Variants in TNXB observed in about 807,000 individuals in gnomAD.
TNXB encodes the protein tenascin XB.
TNXB carries 183 observed loss-of-function variants against 340.5 expected under a neutral mutation model. The ratio of observed to expected loss-of-function variants is 0.54; its 90% CI spans 0.48 to 0.61. TNXB has a LOEUF of 0.61. Among genes scored for constraint, TNXB ranks in the 20% least tolerant of loss-of-function variants. The pLI is 0.00. For synonymous variants in TNXB, 2,121 were observed against 2,314.5 expected, an observed-to-expected ratio of 0.92 and a Z score of 2.40; for missense variants, 4,613 against 5,446.4, an observed-to-expected ratio of 0.85 and a Z score of 4.82.
Position 32,061,482 on chromosome 6 carries a change from C to T in TNXB, c.7407G>A (p.Leu2469=), listed in dbSNP as rs1189389639. 1.9e-6 allele frequency: 3 copies of T among 1,613,592 alleles called. No individual in the cohort carries two copies. Among genetic ancestry groups the T allele is most frequent in the East Asian group, 2.2e-5 (1 of 44,878 alleles). The change falls in exon 21 of 44, where the codon CTG becomes CTA. Residue 2469 remains leucine (L), a synonymous_variant. Transcript: ENST00000644971. This position sits in a 1 kb window ranked among gnomAD's most constrained non-coding sequence, Gnocchi z 4.4. ...GEESEVTVGG[L]EPGRKYKMHL... ...GCATCTTGTATTTGCGCCCAGGCTC[C>T]AGGCCCCCCACGGTGACCTCGCTCT...
At position 32,081,307 on chromosome 6, in the gene TNXB, G is replaced by A; in HGVS notation, c.4042+61C>T. On this transcript the variant is annotated intron_variant, in intron 10 of 43. Transcript: ENST00000644971. This position sits in a 1 kb window ranked among gnomAD's most constrained non-coding sequence, Gnocchi z 5.1. ...TGGAGGGAGGCTGGAAGGAGCCCCA[G>A]CCAAGTCCCGCTCACAGGATGGGGC... 6.8e-7 allele frequency: 1 copy of A among 1,469,300 alleles called. No individual in the cohort carries two copies. Among genetic ancestry groups the A allele is most frequent in the Non-Finnish European group, 9.1e-7 (1 of 1,094,308 alleles). The allele number at this position is 1,469,300 out of a possible 1,614,324, so 91.0% of individuals were successfully genotyped here.
In TNXB at chr6:32,087,259, GT is replaced by G. The variant is rs1388548464; in HGVS notation, c.2780-1142del. 1 of 505,924 alleles carries G rather than the reference GT, an allele frequency of 2.0e-6. No homozygotes were observed. Among genetic ancestry groups the G allele is most frequent in the Admixed American group, 2.0e-5 (1 of 49,690 alleles). 31.3% of individuals were successfully genotyped at this position (505,924 alleles called of 1,614,324 possible). ...GCCCCAGCCCACACTACCTGTGGTG[GT>G]GATGAAGGCGTAGGACTTGGAGGTC... is the stretch of plus-strand genomic sequence containing the variant. On this transcript the variant is annotated intron_variant, in intron 6 of 43. Coordinates refer to ENST00000644971, the MANE Select transcript of TNXB (RefSeq NM_001365276.2). This position sits in a 1 kb window ranked among gnomAD's most constrained non-coding sequence, Gnocchi z 9.0.
chr6:32,047,224 G>T lies in TNXB; in HGVS notation c.10324+510C>A, dbSNP rs1205327894. On this transcript the variant is annotated intron_variant, in intron 30 of 43. Transcript: ENST00000644971. The surrounding 1 kb of genome is among the most constrained non-coding windows in gnomAD (Gnocchi z 6.2). Reference sequence around the variant, plus strand: ...TGGGCATAGTGACTCATGGTCCTGGGAGTGGGGTGAGGGTCGGTGACCCAC... The same window carrying T: ...TGGGCATAGTGACTCATGGTCCTGGTAGTGGGGTGAGGGTCGGTGACCCAC... Among the ~76,000 whole-genome samples the T allele has an allele frequency of 3.3e-5, 5 of 152,248 alleles. No individual in the cohort carries two copies. The highest frequency in any genetic ancestry group is 1.3e-4 in the Admixed American group (2 of 15,290).
intron 6 of TNXB, 59 bp from the exon 7 acceptor site, chr6:32,086,177 C>T: frequency 2.1e-6 from 3 of 1,430,558 alleles, no homozygotes; most frequent in South Asian, 1.6e-5. Flanking sequence ...AGAAAGGAAT[C>T]CCCAGTCCCC....
At position 32,108,711 on chromosome 6, in the gene TNXB, C is replaced by T. The variant is rs1156427573; in HGVS notation, c.-9+470G>A. 6.6e-6 allele frequency among the ~76,000 whole-genome samples: 1 copy of T among 152,104 alleles called. No individual in the cohort carries two copies. Among genetic ancestry groups the T allele is most frequent in the Non-Finnish European group, 1.5e-5 (1 of 68,010 alleles). On this transcript the variant is annotated intron_variant, in intron 1 of 43. Coordinates refer to ENST00000644971, the MANE Select transcript of TNXB (RefSeq NM_001365276.2). The surrounding 1 kb of genome is among the most constrained non-coding windows in gnomAD (Gnocchi z 4.8). ...TCTGGCACCTCCTGGAGCCTGGAGC[C>T]CCCAGAGCCTGGGCTCAGCTGCTCT...
chr6:32,103,950 T>C lies in TNXB; in HGVS notation c.-9+5231A>G, dbSNP rs548810817. On this transcript the variant is annotated intron_variant, in intron 1 of 43. Transcript: ENST00000644971. The stretch of plus-strand genomic sequence containing the variant: ...TTCACCATCTTGACCAGGCTGGTCT[T>C]GAGCTCCTCAGCTCAGGTGATCTGC... 3.3e-5 allele frequency among the ~76,000 whole-genome samples: 5 copies of C among 152,198 alleles called. No individual in the cohort carries two copies. In the East Asian group the frequency reaches 7.7e-4, roughly 24 times the overall value.
rs1376831126 is a variant in TNXB at position 32,089,462 on chromosome 6, T to C, written c.2359-83A>G. 6.7e-7 allele frequency: 1 copy of C among 1,496,898 alleles called. No individual in the cohort carries two copies. The highest frequency in any genetic ancestry group is 9.0e-7 in the Non-Finnish European group (1 of 1,117,014). 92.7% of individuals were successfully genotyped at this position (1,496,898 alleles called of 1,614,324 possible). On this transcript the variant is annotated intron_variant, in intron 4 of 43. Transcript: ENST00000644971. This position sits in a 1 kb window ranked among gnomAD's most constrained non-coding sequence, Gnocchi z 6.2. ...TCCCCCTTATCTCTTCTTTCTCCAA[T>C]TCTAAACAGTGTCAGCATGGTACTG...
rs201365475 is a variant in TNXB at position 32,068,654 on chromosome 6, T to C, written c.5956A>G (p.Ile1986Val). The part of the protein sequence containing the change: ...EPPTATPEPP[I>V]KPRLGELTVT... ...GTCAGCTCCCCCAGGCGAGGCTTGA[T>C]GGGGGGCTCGGGGGTTGCGGTGGGA... The change falls in exon 17 of 44, where the codon ATC becomes GTC. Residue 1986 changes from isoleucine (I) to valine (V), a missense_variant. Physicochemically the swap from Ile to Val is conservative, Grantham distance 29. Transcript: ENST00000644971. The surrounding 1 kb of genome is among the most constrained non-coding windows in gnomAD (Gnocchi z 5.3). 1 of 1,613,448 alleles carries C rather than the reference T, an allele frequency of 6.2e-7. No homozygotes were observed. Among genetic ancestry groups the C allele is most frequent in the Non-Finnish European group, 8.5e-7 (1 of 1,179,740 alleles).
At position 32,096,782 on chromosome 6, in the gene TNXB, G is replaced by C. The variant is rs1265647269; in HGVS notation, c.1071C>G (p.Cys357Trp). Residue 357 changes from cysteine to tryptophan, a missense_variant, in exon 3 of 44, where the codon TGC (cysteine) becomes TGG (tryptophan). Coordinates refer to ENST00000644971, the MANE Select transcript of TNXB (RefSeq NM_001365276.2). ...CGCCTGTGTACCCGGGCCAGCACAC[G>C]CAGCGGCCGTCCACGCAGCGCCCGC... ...GEGGRCVDGR[C>W]VCWPGYTGED... is the part of the protein sequence containing the mutation. 3.2e-6 allele frequency: 5 copies of C among 1,571,534 alleles called. No homozygotes were observed. The highest frequency in any genetic ancestry group is 4.3e-6 in the Non-Finnish European group (5 of 1,160,068).
rs1265703021 is a variant in TNXB, at chr6:32,097,409, C to T, written c.444G>A (p.Val148=). Residue 148 remains valine, a synonymous_variant, in exon 3 of 44, where the codon GTG becomes GTA. Coordinates refer to ENST00000644971, the MANE Select transcript of TNXB (RefSeq NM_001365276.2). The surrounding 1 kb of genome is among the most constrained non-coding windows in gnomAD (Gnocchi z 5.9). ...AACAGGTGCAGCGGCTCAGATCAAA[C>T]ACACCATGGAGACTGCAGAGGGTCC... ...DVRTLCSLHG[V]FDLSRCTCSC... is the part of the protein sequence containing the mutation. 1.9e-6 allele frequency: 3 copies of T among 1,608,298 alleles called. No homozygotes were observed. The highest frequency in any genetic ancestry group is 4.5e-5 in the East Asian group (2 of 44,836).
intron 11 of TNXB, among the ~76,000 whole-genome samples, chr6:32,076,055 C>T (rs1779066878): frequency 6.6e-6 from 1 of 152,182 alleles, no homozygotes; most frequent in Non-Finnish European, 1.5e-5. Flanking sequence ...TATTGAACAT[C>T]TACTATGTAC....
In TNXB at chr6:32,074,975, T is replaced by G. The variant is rs1779003055; in HGVS notation, c.4376-1023A>C. On this transcript the variant is annotated intron_variant, in intron 11 of 43. Coordinates refer to ENST00000644971, the MANE Select transcript of TNXB (RefSeq NM_001365276.2). This position sits in a 1 kb window ranked among gnomAD's most constrained non-coding sequence, Gnocchi z 5.5. ...GATTACAGGCATGATCCTCCACGCC[T>G]GACCAGGATTACAACTTCATTCTTC... 1.3e-5 allele frequency among the ~76,000 whole-genome samples: 2 copies of G among 152,236 alleles called. No individual in the cohort carries two copies. Among genetic ancestry groups the G allele is most frequent in the Admixed American group, 1.3e-4 (2 of 15,278 alleles).
chr6:32,091,074 C>T (rs939958574), intron 4 of TNXB, among the ~76,000 whole-genome samples: 4 of 152,196 alleles, frequency 2.6e-5, no homozygotes, highest in Non-Finnish European at 2.9e-5. Flanking sequence ...ATGTCTCCTA[C>T]GTCTCCTAGC....
intron 1 of TNXB, among the ~76,000 whole-genome samples, chr6:32,100,269 T>C (rs1003159691): frequency 2.0e-5 from 3 of 152,082 alleles, no homozygotes; most frequent in Non-Finnish European, 4.4e-5. Context: ...CACACCCAGC[T>C]ATTTTTTGTA....
At chr6:32,106,432 G>C (rs889713639) in intron 1 of TNXB, among the ~76,000 whole-genome samples, 2 of 152,052 alleles carry the variant, frequency 1.3e-5, no homozygotes, top group Non-Finnish European at 2.9e-5. Flanking sequence ...GGGTGGGTGT[G>C]GAAATGCTGA....
In TNXB at chr6:32,067,478, A is replaced by G. The variant is rs1778442299; in HGVS notation, c.6544+183T>C. Among the ~76,000 whole-genome samples the G allele has an allele frequency of 6.6e-6, 1 of 152,122 alleles. No individual in the cohort carries two copies. Among genetic ancestry groups the G allele is most frequent in the South Asian group, 2.1e-4 (1 of 4,824 alleles). ...CTCAGTCCCTGGGGGCCTTTCCCAT[A>G]TGGCTCCGACACTTCTCCTGGATTT... is the stretch of plus-strand genomic sequence containing the variant. On this transcript the variant is annotated intron_variant, in intron 18 of 43. Transcript: ENST00000644971. This position sits in a 1 kb window ranked among gnomAD's most constrained non-coding sequence, Gnocchi z 4.2.
Position 32,062,344 on chromosome 6 carries a change from C to A in TNXB, c.6981G>T (p.Glu2327Asp). 1 of 1,613,560 alleles carries A rather than the reference C, an allele frequency of 6.2e-7. No individual in the cohort carries two copies. The highest frequency in any genetic ancestry group is 8.5e-7 in the Non-Finnish European group (1 of 1,179,874). Reference protein sequence around the residue: ...DSLSLSWTVPEGQFDHFLVQY... With the variant: ...DSLSLSWTVPDGQFDHFLVQY... ...GGACCAGGAAGTGGTCAAACTGTCC[C>A]TCGGGAACCGTCCAGGACAGGCTGA... is the stretch of plus-strand genomic sequence containing the variant. Residue 2327 changes from glutamate to aspartate, a missense_variant, in exon 20 of 44, where the codon GAG (glutamate) becomes GAT (aspartate). By Grantham distance (45) the Glu-to-Asp change is conservative. This residue lies in a region of TNXB where 4,327 missense variants were observed against 4,859.4 expected (regional missense o/e 0.89). Transcript: ENST00000644971. This position sits in a 1 kb window ranked among gnomAD's most constrained non-coding sequence, Gnocchi z 4.3.
At chr6:32,065,141 C>G (rs776153974) in intron 18 of TNXB, 24 bp from the exon 19 acceptor site, 21 of 1,519,626 alleles carry the variant, frequency 1.4e-5, no homozygotes, top group Non-Finnish European at 1.8e-5. Flanking sequence ...GAAACAGAAT[C>G]TTTTCTCTTG....
At position 32,056,831 on chromosome 6, in the gene TNXB, T is replaced by C; in HGVS notation, c.7898A>G (p.Glu2633Gly). ...PEPPIKPRLG[E>G]LTMTDATPDS... ...AGGGGTGGCATCTGTCATGGTCAGC[T>C]CCCCCAGGCGAGGCTTGATGGGGGG... Residue 2633 changes from glutamate to glycine, a missense_variant, in exon 23 of 44, where the codon GAG (glutamate) becomes GGG (glycine). Physicochemically the swap from Glu to Gly is moderately conservative, Grantham distance 98 (BLOSUM62 -2). Around this residue, in one of 7 missense-constraint regions of TNXB, gnomAD observed 4,327 missense variants for 4,859.4 expected, o/e 0.89. Coordinates refer to ENST00000644971, the MANE Select transcript of TNXB (RefSeq NM_001365276.2). 6.2e-7 allele frequency: 1 copy of C among 1,612,728 alleles called. No individual in the cohort carries two copies. Among genetic ancestry groups the C allele is most frequent in the Non-Finnish European group, 8.5e-7 (1 of 1,179,778 alleles).
Sources: allele counts gnomAD v4.1 joint callset (sites outside exome capture counted in the v4.1 genomes callset), GRCh38; gene constraint gnomAD v4.1.1; regional missense constraint gnomAD v4.1.1; non-coding constraint Gnocchi (gnomAD v3.1); transcripts MANE v1.5; gene names NCBI Gene and HGNC (gene_info 2026-07-23, HGNC 2026-07-21).